Variants in CADPS observed in about 807,000 individuals in gnomAD.
CADPS encodes the protein calcium-dependent secretion activator 1.
In CADPS, 57 loss-of-function variants were observed where a neutral mutation model predicts 167.3. The observed-to-expected ratio is 0.34, with a 90% confidence interval of 0.28 to 0.42. The LOEUF (loss-of-function observed/expected upper bound fraction) is 0.42. Among genes scored for constraint, CADPS ranks in the 20% least tolerant of loss-of-function variants. The pLI, the probability that CADPS is intolerant of heterozygous loss-of-function variation, is 1.00. For synonymous variants in CADPS, 676 were observed against 635.3 expected (o/e 1.06, Z -0.96); for missense variants, 1,414 against 1,738.1 (o/e 0.81, Z 3.32).
intron 3 of CADPS, among the ~76,000 whole-genome samples, chr3:62,729,803 CCTT>C (rs2077424876): frequency 6.6e-6 from 1 of 151,700 alleles, no homozygotes; most frequent in Non-Finnish European, 1.5e-5. Context: ...GGAAGGGAGA[CCTT>C]CTTTGCATCT....
At chr3:62,794,233 T>G (rs1205442306) in intron 1 of CADPS, among the ~76,000 whole-genome samples, 1 of 152,298 alleles carries the variant, frequency 6.6e-6, no homozygotes, top group East Asian at 1.9e-4. Flanking sequence ...AGTTTCCCTG[T>G]GTGTAGAATG....
intron 1 of CADPS, among the ~76,000 whole-genome samples, chr3:62,857,357 C>T (rs1369105728): frequency 6.6e-6 from 1 of 151,900 alleles, no homozygotes; most frequent in African/African-American, 2.4e-5. Context: ...AAATTGGTAA[C>T]AGCATTTTAA....
chr3:62,591,242 G>T (rs560456118), intron 7 of CADPS, among the ~76,000 whole-genome samples: 81 of 152,312 alleles, frequency 5.3e-4, no homozygotes, highest in African/African-American at 1.9e-3. Flanking sequence ...TCTCCGTGGA[G>T]ATTTTACAGT....
At chr3:62,645,886 C>T (rs568581910) in intron 5 of CADPS, 43 bp from the exon 6 acceptor site, 2 of 1,609,886 alleles carry the variant, frequency 1.2e-6, no homozygotes, top group Non-Finnish European at 1.7e-6. Flanking sequence ...TGGCAAGGCC[C>T]CTGGCAGCAT....
At chr3:62,616,180 C>T (rs1421234065) in intron 6 of CADPS, among the ~76,000 whole-genome samples, 2 of 152,154 alleles carry the variant, frequency 1.3e-5, no homozygotes, top group East Asian at 3.9e-4. Context: ...ACTTTAAGCA[C>T]AGAATGATAA....
At chr3:62,816,580 A>G (rs942081184) in intron 1 of CADPS, among the ~76,000 whole-genome samples, 3 of 151,870 alleles carry the variant, frequency 2.0e-5, no homozygotes, top group African/African-American at 7.3e-5. Flanking sequence ...GGTAACTTTA[A>G]ATATCTATGT....
rs188430392 is a variant in CADPS, at chr3:62,828,746, C to T, written c.441+45843G>A. Reference sequence around the variant, plus strand: ...CCAGCAGATTTAAAAAAATTATCTTCGACTTATTCTGCTTAGGACTTATTT... The same window carrying T: ...CCAGCAGATTTAAAAAAATTATCTTTGACTTATTCTGCTTAGGACTTATTT... On this transcript the variant is annotated intron_variant, in intron 1 of 29. Coordinates refer to ENST00000383710, the MANE Select transcript of CADPS (RefSeq NM_003716.4). Among the ~76,000 whole-genome samples the T allele has an allele frequency of 5.1e-3, 777 of 152,200 alleles. 22 individuals are homozygous for T. The highest frequency in any genetic ancestry group is 0.044 in the Admixed American group (672 of 15,264).
intron 1 of CADPS, among the ~76,000 whole-genome samples, chr3:62,797,957 A>T (rs1513147): frequency 0.15 from 22,490 of 151,830 alleles, 1,890 homozygotes; most frequent in African/African-American, 0.22. Context: ...TTAATGTTTG[A>T]CATTCATTCA....
intron 20 of CADPS, 78 bp from the exon 21 acceptor site, chr3:62,491,558 A>AC (rs1553815531): frequency 1.7e-4 from 90 of 526,800 alleles, no homozygotes; most frequent in African/African-American, 1.0e-3. Context: ...CACACACACA[A>AC]ACACACACAC....
intron 6 of CADPS, among the ~76,000 whole-genome samples, chr3:62,611,673 G>T (rs773619628): frequency 2.6e-5 from 4 of 152,150 alleles, no homozygotes; most frequent in Non-Finnish European, 5.9e-5. Context: ...ACATCAATCT[G>T]TTATAGCTGT....
chr3:62,779,471 A>G (rs2091109422), intron 1 of CADPS: 1 of 536,472 alleles, frequency 1.9e-6, no homozygotes, highest in Admixed American at 2.0e-5. Context: ...TAAAATGATC[A>G]AAATCTGCCA....
At chr3:62,591,204 G>C (rs1021166884) in intron 7 of CADPS, among the ~76,000 whole-genome samples, 1 of 152,144 alleles carries the variant, frequency 6.6e-6, no homozygotes, top group East Asian at 1.9e-4. Context: ...TGGGTATAAG[G>C]TAGTGAACAA....
intron 9 of CADPS, among the ~76,000 whole-genome samples, chr3:62,562,918 G>T (rs551041109): frequency 6.6e-6 from 1 of 152,220 alleles, no homozygotes; most frequent in Non-Finnish European, 1.5e-5. Flanking sequence ...AATTGTTAAA[G>T]AAAAGTTTTC....
chr3:62,762,726 A>G lies in CADPS; in HGVS notation c.555+3145T>C, dbSNP rs754474766. On this transcript the variant is annotated intron_variant, in intron 2 of 29. Coordinates refer to ENST00000383710, the MANE Select transcript of CADPS (RefSeq NM_003716.4). ...TTATATGCAAACACTATGCTATTTT[A>G]TATCAGGGACTTGAGCGTCTGAGGA... Among the ~76,000 whole-genome samples, 98 of 151,364 alleles carry G rather than the reference A, an allele frequency of 6.5e-4. 1 individual carries two copies. Among genetic ancestry groups the G allele is most frequent in the Middle Eastern group, 3.4e-3 (1 of 290 alleles).
chr3:62,697,189 G>A (rs1157936895), intron 3 of CADPS, among the ~76,000 whole-genome samples: 12 of 152,136 alleles, frequency 7.9e-5, no homozygotes, highest in Admixed American at 2.6e-4. Flanking sequence ...GTGGTGATTT[G>A]TAAAATTTTG....
intron 3 of CADPS, among the ~76,000 whole-genome samples, chr3:62,720,529 G>A (rs1390610050): frequency 6.6e-6 from 1 of 151,998 alleles, no homozygotes; most frequent in Non-Finnish European, 1.5e-5. Context: ...TGTAGAAATG[G>A]GGTCTTGTTA....
chr3:62,738,721 C>A (rs151063413), intron 3 of CADPS, among the ~76,000 whole-genome samples: 3,112 of 151,916 alleles, frequency 0.02, 93 homozygotes, highest in African/African-American at 0.07. Flanking sequence ...AGTGAAACTC[C>A]GTCTCAAAAA....
At chr3:62,799,915 T>C (rs966810214) in intron 1 of CADPS, among the ~76,000 whole-genome samples, 6 of 152,168 alleles carry the variant, frequency 3.9e-5, no homozygotes, top group Non-Finnish European at 5.9e-5. Context: ...TCTTGGAAAG[T>C]AGAGATAGAG....
intron 6 of CADPS, among the ~76,000 whole-genome samples, chr3:62,613,180 G>A (rs1213200191): frequency 6.6e-6 from 1 of 152,120 alleles, no homozygotes; most frequent in Non-Finnish European, 1.5e-5. Flanking sequence ...GGGATAACAG[G>A]GTGTGGAAGC....
Sources: gnomAD v4.1 joint callset for allele counts (sites outside exome capture counted in the v4.1 genomes callset) on GRCh38, gnomAD v4.1.1 for gene constraint, MANE v1.5 for transcripts, NCBI Gene and HGNC (gene_info 2026-07-23, HGNC 2026-07-21) for gene names.